The following IFT172 variants were observed in gnomAD, a reference collection of about 807,000 sequenced individuals.
The protein encoded by IFT172 is intraflagellar transport 172.
A neutral mutation model predicts 248.9 loss-of-function variants in IFT172; 164 were observed. The observed-to-expected ratio is 0.66, with a 90% CI of 0.58 to 0.75. The LOEUF is 0.75. Among genes scored for constraint, IFT172 ranks in the 30% least tolerant of loss-of-function variants. The pLI is 0.00. For synonymous variants in IFT172, 729 were observed against 791.6 expected, an observed-to-expected ratio of 0.92 and a Z score of 1.33; for missense variants, 1,950 against 2,192.4, an observed-to-expected ratio of 0.89 and a Z score of 2.21.
rs762041150 is a variant in IFT172, at chr2:27,448,898, AAGG to A, written c.4428+14_4428+16del. On this transcript the variant is annotated intron_variant, in intron 40 of 47. Transcript: ENST00000260570. ...GCTTTCTTGTGGAAACATTCAACCCAAGGAGAAGGCTGGTACCTGTGGGTTAGC... is the reference window on the plus strand; with the variant it reads ...GCTTTCTTGTGGAAACATTCAACCCAAGAAGGCTGGTACCTGTGGGTTAGC... 4.1e-6 allele frequency: 5 copies of A among 1,214,010 alleles called. No individual in the cohort carries two copies. The highest frequency in any genetic ancestry group is 1.9e-4 in the Middle Eastern group (1 of 5,310). 75.2% of individuals were successfully genotyped at this position (1,214,010 alleles called of 1,614,324 possible). A position where few individuals can be genotyped will look rare whatever the true frequency, so the allele number is the denominator to read the frequency against.
intron 1 of IFT172, among the ~76,000 whole-genome samples, chr2:27,488,762 C>T (rs1044227099): frequency 1.3e-5 from 2 of 152,120 alleles, no homozygotes; most frequent in African/African-American, 4.8e-5. Context: ...TGCTCCGAGA[C>T]ATTGTATAAT....
At chr2:27,461,919 G>A in intron 20 of IFT172, 83 bp from the exon 21 acceptor site, 2 of 1,478,560 alleles carry the variant, frequency 1.4e-6, no homozygotes, top group Non-Finnish European at 1.9e-6. Flanking sequence ...GCCTGGCTAA[G>A]ATGCCAGCCC....
At chr2:27,446,988 C>T (rs1030725882) in intron 42 of IFT172, among the ~76,000 whole-genome samples, 4 of 152,064 alleles carry the variant, frequency 2.6e-5, no homozygotes, top group South Asian at 4.2e-4. Context: ...CGTGAGCCAC[C>T]GCGCCCGGCC....
At chr2:27,448,854 T>C (rs1665405785) in intron 40 of IFT172, 61 bp downstream of exon 40, 1 of 823,556 alleles carries the variant, frequency 1.2e-6, no homozygotes, top group Admixed American at 1.7e-5. Flanking sequence ...AGAAGATAGG[T>C]GGTTCTAGAG....
intron 42 of IFT172, 112 bp downstream of exon 42, chr2:27,447,402 TG>T: frequency 7.0e-7 from 1 of 1,419,042 alleles, no homozygotes. Context: ...GAAAGACAGG[TG>T]GGGAGATTCA....
chr2:27,486,791 G>A (rs540174011), intron 1 of IFT172, among the ~76,000 whole-genome samples: 1 of 152,328 alleles, frequency 6.6e-6, no homozygotes, highest in Admixed American at 6.5e-5. Context: ...TTGAGAGACT[G>A]AAGGAGGATT....
At chr2:27,472,553 G>A (rs1326517304) in intron 14 of IFT172, among the ~76,000 whole-genome samples, 191 bp from the exon 15 acceptor site, 1 of 152,146 alleles carries the variant, frequency 6.6e-6, no homozygotes, top group East Asian at 1.9e-4. Context: ...GGGGCTTATG[G>A]AGTTACCTCA....
chr2:27,479,672 G>A lies in IFT172; in HGVS notation c.910-68C>T, dbSNP rs1489469076. 11 of 1,030,728 alleles carry A rather than the reference G, an allele frequency of 1.1e-5. No individual in the cohort carries two copies. In the East Asian group the frequency reaches 2.6e-4, roughly 24 times the overall value. The allele number at this position is 1,030,728 out of a possible 1,614,324, so 63.8% of individuals were successfully genotyped here. On this transcript the variant is annotated intron_variant, in intron 9 of 47. Coordinates refer to ENST00000260570, the MANE Select transcript of IFT172 (RefSeq NM_015662.3). ...CACTGGCATGGGGAGAGTATCTAGA[G>A]ACATCCTCAAAACCTAAGCTCTAGA...
At chr2:27,469,221 C>T (rs1667363037) in intron 16 of IFT172, among the ~76,000 whole-genome samples, 2 of 151,248 alleles carry the variant, frequency 1.3e-5, no homozygotes, top group Admixed American at 6.6e-5. Flanking sequence ...TGGTGAAACC[C>T]GTCTCTACTA....
chr2:27,486,034 C>G (rs530122933), intron 1 of IFT172: 1 of 166,760 alleles, frequency 6.0e-6, no homozygotes, highest in African/African-American at 2.4e-5. Context: ...CTTAAATTAT[C>G]AAAATTAAGC....
chr2:27,458,063 C>G, intron 27 of IFT172, 63 bp downstream of exon 27: 1 of 1,611,844 alleles, frequency 6.2e-7, no homozygotes. Context: ...CCTCAGACCC[C>G]ATCCCTCGTC....
intron 10 of IFT172, among the ~76,000 whole-genome samples, chr2:27,479,307 A>C (rs1668186639): frequency 6.6e-6 from 1 of 152,140 alleles, no homozygotes; most frequent in East Asian, 1.9e-4. Flanking sequence ...GTCCAGCCAA[A>C]ACTTTTCTTA....
rs373087999 is a variant in IFT172 at position 27,448,950 on chromosome 2, G to A, written c.4393C>T (p.Leu1465=). 6 of 1,606,758 alleles carry A rather than the reference G, an allele frequency of 3.7e-6. No homozygotes were observed. The African/African-American group carries it at 5.3e-5, about 14-fold the overall frequency. The change falls in exon 40 of 48, where the codon CTG becomes TTG. Residue 1465 remains leucine (L), a synonymous_variant. Transcript: ENST00000260570. The stretch of plus-strand genomic sequence containing the variant: ...GCAGGGGCTCCGTGCTGTACATACA[G>A]GGCCAATGCCTGGGCAGAGCTACCC... The part of the protein sequence containing the change: ...REGSSAQALA[L]YVQHGAPANP...
Position 27,483,939 on chromosome 2 carries a change from T to G in IFT172, c.337-2A>C. On this transcript the variant is annotated splice_acceptor_variant, in intron 4 of 47. Coordinates refer to ENST00000260570, the MANE Select transcript of IFT172 (RefSeq NM_015662.3). LOFTEE classifies it high-confidence loss of function. Reference sequence around the variant, plus strand: ...CCATTGCAGACAAGTGACAGCACTCTGCGTGGAAGGAAACAATGAAAAGGA... The same window carrying G: ...CCATTGCAGACAAGTGACAGCACTCGGCGTGGAAGGAAACAATGAAAAGGA... The G allele has an allele frequency of 6.2e-7, 1 of 1,613,602 alleles. No homozygotes were observed. Among genetic ancestry groups the G allele is most frequent in the Non-Finnish European group, 8.5e-7 (1 of 1,179,512 alleles).
intron 14 of IFT172, 134 bp from the exon 15 acceptor site, chr2:27,472,496 G>A (rs1667646641): frequency 1.5e-6 from 1 of 670,044 alleles, no homozygotes; most frequent in African/African-American, 1.8e-5. Context: ...GTTTAACTAT[G>A]TTGTTAACTC....
At position 27,449,588 on chromosome 2, in the gene IFT172, T is replaced by C. The variant is rs778721931; in HGVS notation, c.4161-26A>G. The C allele has an allele frequency of 5.0e-6, 8 of 1,613,992 alleles. No homozygotes were observed. The Admixed American group carries it at 1.3e-4, about 27-fold the overall frequency. On this transcript the variant is annotated intron_variant, in intron 37 of 47. Transcript: ENST00000260570. ...CTGTGAAGATGTTCAGAGAGCTCCA[T>C]CTTCATGTTCCAGAATACCAACCCT...
In IFT172 at chr2:27,445,666, T is replaced by C. The variant is rs1307024101; in HGVS notation, c.4914+79A>G. 1.3e-6 allele frequency: 2 copies of C among 1,537,890 alleles called. No individual in the cohort carries two copies. Among genetic ancestry groups the C allele is most frequent in the African/African-American group, 2.7e-5 (2 of 73,250 alleles). On this transcript the variant is annotated intron_variant, in intron 45 of 47. Transcript: ENST00000260570. This position sits in a 1 kb window ranked among gnomAD's most constrained non-coding sequence, Gnocchi z 4.4. ...GTGAGGGCTGAGGTCCTTCCAAAGA[T>C]GGCAGCACAAAGATATTCTCCCTCC...
rs1158499870 is a variant in IFT172, at chr2:27,454,653, C to G, written c.3379G>C (p.Glu1127Gln). The G allele has an allele frequency of 1.2e-6, 2 of 1,614,026 alleles. No homozygotes were observed. The highest frequency in any genetic ancestry group is 3.3e-5 in the Admixed American group (2 of 60,000). The stretch of plus-strand genomic sequence containing the variant: ...AGCCGAGAGAGTTCAAACGCAAATT[C>G]AAAGGAGCTGAAACAGAAAGTGCAG... Reference protein sequence around the residue: ...VDHAADNCSFEFAFELSRLAL... With the variant: ...VDHAADNCSFQFAFELSRLAL... Residue 1127 changes from glutamate (E) to glutamine (Q), a missense_variant, in exon 31 of 48, where the codon GAA becomes CAA. Coordinates refer to ENST00000260570, the MANE Select transcript of IFT172 (RefSeq NM_015662.3). This position sits in a 1 kb window ranked among gnomAD's most constrained non-coding sequence, Gnocchi z 4.2.
intron 10 of IFT172, 146 bp from the exon 11 acceptor site, chr2:27,478,302 A>G (rs1668114422): frequency 4.6e-6 from 4 of 867,402 alleles, no homozygotes; most frequent in Non-Finnish European, 7.0e-6. Context: ...GATAGTAATG[A>G]TATCTTATGT....
Sources: allele counts gnomAD v4.1 joint callset (sites outside exome capture counted in the v4.1 genomes callset), GRCh38; gene constraint gnomAD v4.1.1; non-coding constraint Gnocchi (gnomAD v3.1); transcripts MANE v1.5; gene names NCBI Gene and HGNC (gene_info 2026-07-23, HGNC 2026-07-21).